Variants in ACSS3 observed in about 807,000 individuals in gnomAD.
ACSS3 encodes acyl-CoA synthetase short-chain family member 3, mitochondrial.
In ACSS3, 64 loss-of-function variants were observed where a neutral mutation model predicts 84.2. The ratio of observed to expected loss-of-function variants is 0.76; its 90% CI spans 0.62 to 0.94. ACSS3 has a LOEUF of 0.94. Ranked by LOEUF, ACSS3 falls within the 40% of genes least tolerant of loss-of-function variation. The pLI is 0.00. For missense variants in ACSS3, 815 were observed against 867.6 expected (o/e 0.94, Z 0.76); for synonymous variants, 317 against 310.1 (o/e 1.02, Z -0.23).
At chr12:81,141,181 T>A (rs899514533) in intron 4 of ACSS3, among the ~76,000 whole-genome samples, 4 of 152,230 alleles carry the variant, frequency 2.6e-5, no homozygotes, top group Admixed American at 6.5e-5. Context: ...CTCCAATAAC[T>A]AGCTTACTTT....
At chr12:81,180,894 C>T (rs778065890) in intron 8 of ACSS3, among the ~76,000 whole-genome samples, 12 of 152,174 alleles carry the variant, frequency 7.9e-5, no homozygotes, top group African/African-American at 1.2e-4. Flanking sequence ...AGAATGCCAA[C>T]ATCAATCTCA....
chr12:81,202,303 T>A (rs977418842), intron 9 of ACSS3, among the ~76,000 whole-genome samples: 1 of 151,140 alleles, frequency 6.6e-6, no homozygotes, highest in African/African-American at 2.4e-5. Context: ...AATAAATAAA[T>A]AAAAATAAAA....
intron 2 of ACSS3, among the ~76,000 whole-genome samples, chr12:81,126,905 C>A (rs1885137061): frequency 6.6e-6 from 1 of 151,852 alleles, no homozygotes; most frequent in Non-Finnish European, 1.5e-5. Flanking sequence ...AAGAAATGTG[C>A]TAGTAAATGT....
intron 1 of ACSS3, among the ~76,000 whole-genome samples, chr12:81,085,856 G>C (rs181793928): frequency 6.6e-6 from 1 of 152,132 alleles, no homozygotes; most frequent in East Asian, 1.9e-4. Flanking sequence ...CTAGAAGAAT[G>C]TCCTTATTTA....
intron 13 of ACSS3, among the ~76,000 whole-genome samples, chr12:81,247,796 G>T (rs1166385130): frequency 6.6e-6 from 1 of 151,974 alleles, no homozygotes; most frequent in African/African-American, 2.4e-5. Flanking sequence ...GATGTATCCA[G>T]CTCTTATTAA....
intron 8 of ACSS3, among the ~76,000 whole-genome samples, chr12:81,186,822 A>C (rs2031286407): frequency 6.6e-6 from 1 of 151,906 alleles, no homozygotes; most frequent in African/African-American, 2.4e-5. Context: ...AATTAAAAAT[A>C]GAACTACCAT....
intron 8 of ACSS3, among the ~76,000 whole-genome samples, chr12:81,178,963 A>G (rs1484526549): frequency 2.6e-5 from 4 of 152,150 alleles, no homozygotes; most frequent in African/African-American, 7.2e-5. Flanking sequence ...GACCAGAGGA[A>G]CAGGTTAGAG....
Position 81,174,954 on chromosome 12 carries a change from C to G in ACSS3, c.1250+15C>G. The G allele has an allele frequency of 6.2e-7, 1 of 1,611,534 alleles. No individual in the cohort carries two copies. The highest frequency in any genetic ancestry group is 8.5e-7 in the Non-Finnish European group (1 of 1,178,516). On this transcript the variant is annotated intron_variant, in intron 8 of 15. Coordinates refer to ENST00000548058, the MANE Select transcript of ACSS3 (RefSeq NM_024560.4). ...TCTCTGACAAGGTGACGTTGGGATG[C>G]ACAGGGCAAATGACATTAGAAAGTG...
intron 8 of ACSS3, among the ~76,000 whole-genome samples, chr12:81,190,656 G>T (rs1329196008): frequency 6.6e-6 from 1 of 151,898 alleles, no homozygotes; most frequent in East Asian, 1.9e-4. Context: ...TGGTGGTAAA[G>T]CTCATTTTTG....
chr12:81,206,665 C>T (rs1177471091), intron 9 of ACSS3, among the ~76,000 whole-genome samples: 4 of 151,990 alleles, frequency 2.6e-5, no homozygotes, highest in Non-Finnish European at 5.9e-5. Context: ...TGCCTGGCAA[C>T]AGCATTTTTT....
At chr12:81,158,976 A>G (rs956966661) in intron 7 of ACSS3, among the ~76,000 whole-genome samples, 2 of 152,218 alleles carry the variant, frequency 1.3e-5, no homozygotes, top group African/African-American at 4.8e-5. Context: ...CCTTAATGAC[A>G]CATATTCAGT....
At chr12:81,178,039 C>T (rs1355274526) in intron 8 of ACSS3, among the ~76,000 whole-genome samples, 2 of 152,116 alleles carry the variant, frequency 1.3e-5, no homozygotes, top group Non-Finnish European at 2.9e-5. Flanking sequence ...GCACTATTCA[C>T]AGTAGCAAAG....
intron 11 of ACSS3, among the ~76,000 whole-genome samples, chr12:81,227,356 T>C (rs2033304551): frequency 3.3e-5 from 5 of 150,406 alleles, no homozygotes; most frequent in Admixed American, 2.0e-4. Flanking sequence ...AATTGATGCA[T>C]AGAATTAACC....
rs569545091 is a variant in ACSS3 at position 81,219,179 on chromosome 12, G to T, written c.1451-834G>T. Among the ~76,000 whole-genome samples, 137 of 152,172 alleles carry T rather than the reference G, an allele frequency of 9.0e-4. 1 individual carries two copies. Among genetic ancestry groups the T allele is most frequent in the African/African-American group, 3.1e-3 (130 of 41,554 alleles). ...TATAGTGATTTGGCCACTGTACTGA[G>T]ATTTAGGGAAACAAAGATAAATTAG... On this transcript the variant is annotated intron_variant, in intron 10 of 15. Coordinates refer to ENST00000548058, the MANE Select transcript of ACSS3 (RefSeq NM_024560.4).
chr12:81,189,585 T>C (rs2031460061), intron 8 of ACSS3, among the ~76,000 whole-genome samples: 1 of 152,132 alleles, frequency 6.6e-6, no homozygotes, highest in African/African-American at 2.4e-5. Context: ...TTTTTCATAC[T>C]TTATTTTGGA....
chr12:81,196,816 G>A (rs762050771), intron 8 of ACSS3, among the ~76,000 whole-genome samples: 5 of 152,010 alleles, frequency 3.3e-5, no homozygotes, highest in Non-Finnish European at 7.4e-5. Flanking sequence ...TAAACCAGCT[G>A]TCATGCGAAT....
chr12:81,219,216 G>T (rs184359684), intron 10 of ACSS3, among the ~76,000 whole-genome samples: 1 of 152,070 alleles, frequency 6.6e-6, no homozygotes. Context: ...CATGGCCTCC[G>T]TGAACTCACA....
rs57701806 is a variant in ACSS3, at chr12:81,137,321, T to TCACACACA, written c.646-1774_646-1767dup. Among the ~76,000 whole-genome samples, 896 of 141,794 alleles carry TCACACACA rather than the reference T, an allele frequency of 6.3e-3. 7 individuals are homozygous for TCACACACA. Among genetic ancestry groups the TCACACACA allele is most frequent in the African/African-American group, 0.017 (646 of 37,890 alleles). 93.0% of individuals were successfully genotyped at this position (141,794 alleles called of 152,430 possible). ...GTACCACTTAAGGAATTTTCATCCA[T>TCACACACA]CACACACACACACACACACACACAC... On this transcript the variant is annotated intron_variant, in intron 3 of 15. Transcript: ENST00000548058.
chr12:81,195,951 C>T (rs2031806164), intron 8 of ACSS3, among the ~76,000 whole-genome samples: 1 of 151,944 alleles, frequency 6.6e-6, no homozygotes, highest in Non-Finnish European at 1.5e-5. Flanking sequence ...GTGGATTGTA[C>T]CATTATGTGA....
Sources: allele counts gnomAD v4.1 joint callset (sites outside exome capture counted in the v4.1 genomes callset), GRCh38; gene constraint gnomAD v4.1.1; transcripts MANE v1.5; gene names NCBI Gene and HGNC (gene_info 2026-07-23, HGNC 2026-07-21).